Variants in VPS37A observed in about 807,000 individuals in gnomAD.
The protein encoded by VPS37A is vacuolar protein sorting-associated protein 37A.
Under a neutral mutation model 49.8 loss-of-function variants are expected in VPS37A, and 30 were observed. The ratio of observed to expected loss-of-function variants is 0.60; its 90% CI spans 0.45 to 0.82. The LOEUF (loss-of-function observed/expected upper bound fraction) is 0.82, where lower values mean the gene tolerates loss of function less well. Among genes scored for constraint, VPS37A ranks in the 40% least tolerant of loss-of-function variants. The pLI is 0.00. For missense variants in VPS37A, 593 were observed against 464.4 expected (o/e 1.28, Z -2.55); for synonymous variants, 195 against 160.6 (o/e 1.21, Z -1.62).
In VPS37A at chr8:17,247,915, T is replaced by G. The variant is rs1811482006; in HGVS notation, c.125+546T>G. 4.8e-6 allele frequency: 3 copies of G among 618,956 alleles called. No individual in the cohort carries two copies. In the African/African-American group the frequency reaches 5.5e-5, roughly 11 times the overall value. 38.3% of individuals were successfully genotyped at this position (618,956 alleles called of 1,614,324 possible). On this transcript the variant is annotated intron_variant, in intron 1 of 11. Coordinates refer to ENST00000324849, the MANE Select transcript of VPS37A (RefSeq NM_152415.3). ...TAAGATTTACCCTGTTGGAGCAGTC[T>G]CTCCCCATCTCACAGCGACCAGTGC...
downstream of VPS37A, among the ~76,000 whole-genome samples, chr8:17,306,562 G>A (rs576510148): frequency 1.3e-5 from 2 of 152,088 alleles, no homozygotes; most frequent in Non-Finnish European, 2.9e-5. Flanking sequence ...CCTCAAATTT[G>A]TATTGATTTT....
chr8:17,273,072 A>G (rs1425223873), intron 4 of VPS37A, among the ~76,000 whole-genome samples: 2 of 101,780 alleles, frequency 2.0e-5, no homozygotes, highest in Non-Finnish European at 3.7e-5. Flanking sequence ...ACTAAATGAT[A>G]TGGTTTTGGA....
At chr8:17,263,338 T>G (rs1813139553) in intron 1 of VPS37A, among the ~76,000 whole-genome samples, 1 of 152,174 alleles carries the variant, frequency 6.6e-6, no homozygotes, top group Admixed American at 6.5e-5. Flanking sequence ...GTGATGAATA[T>G]TCAGGGAATT....
intron 1 of VPS37A, among the ~76,000 whole-genome samples, chr8:17,254,582 G>T (rs1812265753): frequency 2.6e-5 from 4 of 151,722 alleles, no homozygotes; most frequent in Admixed American, 2.6e-4. Flanking sequence ...CTTTATATTG[G>T]ACTTATGTTT....
chr8:17,302,078 T>C, downstream of VPS37A: 2 of 1,583,016 alleles, frequency 1.3e-6, no homozygotes, highest in South Asian at 2.2e-5. Flanking sequence ...GCACTGAATC[T>C]TAAGAGGCTT....
the VPS37A span, among the ~76,000 whole-genome samples, chr8:17,330,934 C>T: frequency 6.6e-6 from 1 of 152,140 alleles, no homozygotes; most frequent in Non-Finnish European, 1.5e-5. Context: ...ATTGTAGAGT[C>T]CCTGACTGCT....
chr8:17,247,215 C>A lies in VPS37A; in HGVS notation c.-30C>A, dbSNP rs192180882. On this transcript the variant is annotated 5_prime_UTR_variant, in exon 1 of 12. Transcript: ENST00000324849. ...CTGGGAGAAGCAGGCCAGAGCCTTC[C>A]AGGGCCTCCGGCCCGTGGACCCGAG... The A allele has an allele frequency of 3.8e-4, 589 of 1,562,396 alleles. No individual in the cohort carries two copies. The African/African-American group carries it at 5.4e-3, about 14-fold the overall frequency.
At position 17,280,394 on chromosome 8, in the gene VPS37A, T is replaced by C; in HGVS notation, c.920T>C (p.Met307Thr). The part of the protein sequence containing the change: ...VLDKYELLTQ[M>T]KSTFEKKMQR... ...TTTTAGTATGAATTACTTACACAGATGAAGTCCACTTTCGAAAAGAAGATG... is the reference window on the plus strand; with the variant it reads ...TTTTAGTATGAATTACTTACACAGACGAAGTCCACTTTCGAAAAGAAGATG... Residue 307 changes from methionine to threonine, a missense_variant, in exon 9 of 12, where the codon ATG (methionine) becomes ACG (threonine). By Grantham distance (81) the Met-to-Thr change is moderately conservative. Transcript: ENST00000324849. The C allele has an allele frequency of 6.2e-7, 1 of 1,609,796 alleles. No individual in the cohort carries two copies. Among genetic ancestry groups the C allele is most frequent in the African/African-American group, 1.3e-5 (1 of 74,670 alleles).
chr8:17,319,357 T>C, the VPS37A span, among the ~76,000 whole-genome samples: 1 of 152,188 alleles, frequency 6.6e-6, no homozygotes, highest in African/African-American at 2.4e-5. Flanking sequence ...ATGATACACA[T>C]TGTATTATCT....
chr8:17,272,068 A>G (rs767050895), intron 4 of VPS37A: 12 of 456,532 alleles, frequency 2.6e-5, no homozygotes, highest in South Asian at 1.9e-4. Context: ...CACTAGGTAC[A>G]TTTTCTGTTT....
chr8:17,277,467 G>A (rs1814616619), intron 6 of VPS37A, among the ~76,000 whole-genome samples: 1 of 152,022 alleles, frequency 6.6e-6, no homozygotes, highest in Admixed American at 6.6e-5. Context: ...CCATCATGTG[G>A]CAACAACAGC....
At chr8:17,268,024 C>T (rs1813628757) in intron 2 of VPS37A, among the ~76,000 whole-genome samples, 1 of 152,124 alleles carries the variant, frequency 6.6e-6, no homozygotes, top group Admixed American at 6.6e-5. Flanking sequence ...TTCTATAATT[C>T]ATGTCCATAT....
the VPS37A span, among the ~76,000 whole-genome samples, chr8:17,312,574 C>CAAAAAA: frequency 4.1e-4 from 36 of 87,248 alleles, no homozygotes; most frequent in African/African-American, 1.7e-3. Context: ...GACTCCCTCT[C>CAAAAAA]AAAAAAAAAA....
intron 11 of VPS37A, among the ~76,000 whole-genome samples, chr8:17,293,523 G>A (rs1816334445): frequency 1.3e-5 from 2 of 152,016 alleles, no homozygotes; most frequent in East Asian, 1.9e-4. Context: ...TGATCCTTTG[G>A]AGGAGAAGAG....
At chr8:17,304,402 T>G (rs1265964630), downstream of VPS37A, 3 of 1,613,796 alleles carry the variant, frequency 1.9e-6, no homozygotes, top group African/African-American at 4.0e-5. Context: ...TACATGGTGT[T>G]GTAGGGAGAT....
chr8:17,277,686 A>G (rs778160997), intron 6 of VPS37A, among the ~76,000 whole-genome samples: 1 of 152,044 alleles, frequency 6.6e-6, no homozygotes, highest in Admixed American at 6.6e-5. Context: ...ACCTAACACA[A>G]TTAATGGTAA....
chr8:17,268,215 T>G, intron 2 of VPS37A, 43 bp from the exon 3 acceptor site: 2 of 1,377,196 alleles, frequency 1.5e-6, no homozygotes, highest in South Asian at 2.4e-5. Context: ...AATGTACCTT[T>G]GTTATCTTTG....
chr8:17,252,713 G>A (rs185805436), intron 1 of VPS37A, among the ~76,000 whole-genome samples: 9 of 152,282 alleles, frequency 5.9e-5, no homozygotes, highest in Admixed American at 5.9e-4. Flanking sequence ...CTCCCTGTTG[G>A]ACTACAAGGA....
the VPS37A span, chr8:17,331,170 C>G: frequency 2.5e-6 from 4 of 1,611,582 alleles, no homozygotes; most frequent in African/African-American, 1.3e-5. Context: ...TTTCTGCAGA[C>G]TGTTCCTCAT....
Sources: allele counts gnomAD v4.1 joint callset (sites outside exome capture counted in the v4.1 genomes callset), GRCh38; gene constraint gnomAD v4.1.1; transcripts MANE v1.5; gene names NCBI Gene and HGNC (gene_info 2026-07-23, HGNC 2026-07-21).